Variants in DGCR2 observed in about 807,000 individuals in gnomAD.
DGCR2 encodes integral membrane protein DGCR2/IDD.
In DGCR2, 24 loss-of-function variants were observed where a neutral mutation model predicts 51.6. The ratio of observed to expected loss-of-function variants is 0.47; its 90% confidence interval spans 0.34 to 0.65. The LOEUF (loss-of-function observed/expected upper bound fraction) is 0.65, where lower values mean the gene tolerates loss of function less well. DGCR2 is among the 30% of genes least tolerant of loss of function. DGCR2 has a pLI of 0.01. For missense variants in DGCR2, 765 were observed against 772.1 expected (o/e 0.99, Z 0.11); for synonymous variants, 340 against 315.4 (o/e 1.08, Z -0.82).
intron 6 of DGCR2, among the ~76,000 whole-genome samples, chr22:19,050,031 G>A (rs1431029730): frequency 6.6e-6 from 1 of 152,038 alleles, no homozygotes; most frequent in African/African-American, 2.4e-5. Flanking sequence ...ATGGAGAGGA[G>A]AGAGAGAAAG....
intron 6 of DGCR2, among the ~76,000 whole-genome samples, chr22:19,053,205 G>T (rs1191675363): frequency 6.6e-6 from 1 of 152,210 alleles, no homozygotes; most frequent in Admixed American, 6.5e-5. Context: ...AGGGTCAGAA[G>T]CACTTGTGAA....
intron 6 of DGCR2, among the ~76,000 whole-genome samples, chr22:19,050,772 A>T (rs958507553): frequency 2.0e-4 from 31 of 152,338 alleles, no homozygotes; most frequent in East Asian, 1.9e-4. Flanking sequence ...TTATTAAAAC[A>T]CTCATTCGAA....
rs557289954 is a variant in DGCR2 at position 19,084,395 on chromosome 22, G to A, written c.202+4973C>T. On this transcript the variant is annotated intron_variant, in intron 2 of 9. Transcript: ENST00000263196. The stretch of plus-strand genomic sequence containing the variant: ...CGACCCCGTCTGGGAGGTGAGGAGC[G>A]TCTCCGCCGGGCCACCCCGTCTGAG... 3.8e-4 allele frequency among the ~76,000 whole-genome samples: 56 copies of A among 149,316 alleles called. 1 individual carries two copies. The highest frequency in any genetic ancestry group is 2.5e-4 in the Non-Finnish European group (17 of 67,286).
chr22:19,056,587 C>T (rs2082605638), intron 6 of DGCR2: 1 of 364,960 alleles, frequency 2.7e-6, no homozygotes. Flanking sequence ...CATAGACTGG[C>T]AAGGTAAACA....
intron 7 of DGCR2, chr22:19,046,606 T>G: frequency 4.9e-6 from 1 of 204,870 alleles, no homozygotes; most frequent in South Asian, 5.4e-5. Flanking sequence ...ATTCTGATGC[T>G]TAACACATGA....
At chr22:19,054,195 G>A (rs2082577623) in intron 6 of DGCR2, among the ~76,000 whole-genome samples, 1 of 151,990 alleles carries the variant, frequency 6.6e-6, no homozygotes, top group Non-Finnish European at 1.5e-5. Flanking sequence ...GGGTACATAA[G>A]AAAGTGTCCT....
At chr22:19,056,446 C>A in intron 6 of DGCR2, 1 of 541,358 alleles carries the variant, frequency 1.8e-6, no homozygotes, top group African/African-American at 2.1e-5. Flanking sequence ...GAGCCAGCGC[C>A]ATCCTGCGAA....
chr22:19,116,146 C>T (rs1435282987), intron 1 of DGCR2, among the ~76,000 whole-genome samples: 2 of 152,224 alleles, frequency 1.3e-5, no homozygotes, highest in Admixed American at 1.3e-4. Context: ...AGCCACCATA[C>T]CCAACTGCCT....
At chr22:19,066,959 C>A (rs2082756576) in intron 3 of DGCR2, among the ~76,000 whole-genome samples, 1 of 152,232 alleles carries the variant, frequency 6.6e-6, no homozygotes, top group African/African-American at 2.4e-5. Flanking sequence ...CACACTTGCA[C>A]TGTGGGGACC....
intron 1 of DGCR2, among the ~76,000 whole-genome samples, chr22:19,094,904 CAACATTT>C (rs2083121551): frequency 6.6e-6 from 1 of 151,736 alleles, no homozygotes; most frequent in Non-Finnish European, 1.5e-5. Context: ...TACTGTATGA[CAACATTT>C]ATATAAAAAT....
At chr22:19,100,777 A>G (rs889316830) in intron 1 of DGCR2, among the ~76,000 whole-genome samples, 3 of 152,174 alleles carry the variant, frequency 2.0e-5, no homozygotes, top group African/African-American at 7.2e-5. Context: ...TATGTGGGTT[A>G]TATCTGTCAA....
intron 1 of DGCR2, among the ~76,000 whole-genome samples, chr22:19,090,258 C>T (rs565213616): frequency 6.6e-6 from 1 of 152,142 alleles, no homozygotes; most frequent in Non-Finnish European, 1.5e-5. Flanking sequence ...GGAACAGACA[C>T]AACATCTGAA....
chr22:19,042,588 G>C (rs2082445096), intron 7 of DGCR2, among the ~76,000 whole-genome samples: 1 of 152,208 alleles, frequency 6.6e-6, no homozygotes, highest in Non-Finnish European at 1.5e-5. Flanking sequence ...GCATGGCTCG[G>C]GCGGCTGCCG....
At chr22:19,121,357 T>TA (rs1217270206) in intron 1 of DGCR2, among the ~76,000 whole-genome samples, 1 of 152,220 alleles carries the variant, frequency 6.6e-6, no homozygotes, top group East Asian at 1.9e-4. Flanking sequence ...GGGCAAGTGA[T>TA]ACCAGGATTC....
intron 1 of DGCR2, among the ~76,000 whole-genome samples, chr22:19,112,043 CG>C (rs1210040078): frequency 1.3e-4 from 20 of 152,040 alleles, no homozygotes; most frequent in African/African-American, 4.6e-4. Context: ...GAGATGCAGG[CG>C]GGTGGATCAC....
chr22:19,075,938 G>C (rs964081510), intron 2 of DGCR2, among the ~76,000 whole-genome samples: 1 of 151,944 alleles, frequency 6.6e-6, no homozygotes, highest in Non-Finnish European at 1.5e-5. Context: ...CTTTGGAGTC[G>C]AACTGCTAAG....
chr22:19,041,128 G>A lies in DGCR2; in HGVS notation c.1326C>T (p.Gly442=). 1 of 1,613,954 alleles carries A rather than the reference G, an allele frequency of 6.2e-7. No homozygotes were observed. The highest frequency in any genetic ancestry group is 8.5e-7 in the Non-Finnish European group (1 of 1,179,910). ...AGGGCGGCGGAGGGTCGTCGGGCTG[G>A]CCGATGTCCGGGTACTTGTATGCCG... ...PYTAYKYPDI[G]QPDDPPPPYE... is the part of the protein sequence containing the mutation. Residue 442 remains glycine, a synonymous_variant, in exon 9 of 10, where the codon GGC becomes GGT. Coordinates refer to ENST00000263196, the MANE Select transcript of DGCR2 (RefSeq NM_005137.3).
Position 19,038,509 on chromosome 22 carries a change from GTA to G in DGCR2, c.*354_*355del. ...CTCTCTGGACAGCACACTGCACCAAGTAAGCCCACCAAAAACGCATCAGGTGT... is the reference window on the plus strand; with the variant it reads ...CTCTCTGGACAGCACACTGCACCAAGAGCCCACCAAAAACGCATCAGGTGT... On this transcript the variant is annotated 3_prime_UTR_variant, in exon 10 of 10. Transcript: ENST00000263196. 1 of 287,440 alleles carries G rather than the reference GTA, an allele frequency of 3.5e-6. No individual in the cohort carries two copies. The allele number at this position is 287,440 out of a possible 1,614,324, so 17.8% of individuals were successfully genotyped here.
chr22:19,082,381 G>A (rs2082949482), intron 2 of DGCR2, among the ~76,000 whole-genome samples: 3 of 151,898 alleles, frequency 2.0e-5, no homozygotes, highest in South Asian at 2.1e-4. Flanking sequence ...TTCAATAAAC[G>A]AGAGATCTTA....
Sources: allele counts gnomAD v4.1 joint callset (sites outside exome capture counted in the v4.1 genomes callset), GRCh38; gene constraint gnomAD v4.1.1; transcripts MANE v1.5; gene names NCBI Gene and HGNC (gene_info 2026-07-23, HGNC 2026-07-21).